GABRA3: variants seen among roughly 807,000 people sequenced by gnomAD.
GABRA3 encodes the protein gamma-aminobutyric acid type A receptor subunit alpha3, also known as gamma-aminobutyric acid receptor subunit alpha-3.
GABRA3 carries 10 observed loss-of-function variants against 30.1 expected under a neutral mutation model. That is an observed-to-expected ratio of 0.33 (90% CI 0.20 to 0.56). The LOEUF is 0.56. GABRA3 is among the 20% of genes least tolerant of loss of function. GABRA3 has a pLI of 0.89. For missense variants in GABRA3, 233 were observed against 392.0 expected, an observed-to-expected ratio of 0.59 and a Z score of 3.42; for synonymous variants, 151 against 146.8, an observed-to-expected ratio of 1.03 and a Z score of -0.21.
At chrX:152,349,173 T>C (rs1480406399) in intron 2 of GABRA3, among the ~76,000 whole-genome samples, 1 of 111,457 alleles carries the variant, frequency 9.0e-6, no homozygotes, top group African/African-American at 3.3e-5. Flanking sequence ...GCATCTTTAC[T>C]AGGAGTAGAT....
At chrX:152,266,559 A>G (rs1280934897) in intron 4 of GABRA3, among the ~76,000 whole-genome samples, 2 of 111,458 alleles carry the variant, frequency 1.8e-5, no homozygotes, top group Non-Finnish European at 3.8e-5. Flanking sequence ...ATAATTTTAG[A>G]TAAGTAAAAT....
At chrX:152,404,573 A>C (rs1929878055) in intron 1 of GABRA3, among the ~76,000 whole-genome samples, 1 of 110,187 alleles carries the variant, frequency 9.1e-6, no homozygotes, top group African/African-American at 3.3e-5. Context: ...GTGAAAGAGG[A>C]GGCCAAGTGA....
chrX:152,362,895 T>C (rs993663647), intron 2 of GABRA3, among the ~76,000 whole-genome samples: 2 of 112,032 alleles, frequency 1.8e-5, no homozygotes, highest in Admixed American at 9.5e-5. Context: ...CTGTTTGTTG[T>C]TTGTTTTGTT....
At position 152,302,180 on chromosome X, in the gene GABRA3, A is replaced by T. The variant is rs1753742552; in HGVS notation, c.263-17445T>A. On this transcript the variant is annotated intron_variant, in intron 3 of 9. Transcript: ENST00000370314. ...TAGAAAACAAATAATAAGATGATGA[A>T]TGTAAGCACAAACATGTAAATAAAT... Among the ~76,000 whole-genome samples the T allele has an allele frequency of 2.7e-5, 3 of 111,523 alleles. No homozygotes were observed. The South Asian group carries it at 1.1e-3, about 42-fold the overall frequency.
Position 152,226,469 on chromosome X carries a change from T to C in GABRA3, c.552-1624A>G, listed in dbSNP as rs773651117. ...GGTATTACCATTCAGGACATAGGCA[T>C]GGGCAAGGACTTCATGTCTAAAACA... On this transcript the variant is annotated intron_variant, in intron 5 of 9. Coordinates refer to ENST00000370314, the MANE Select transcript of GABRA3 (RefSeq NM_000808.4). Among the ~76,000 whole-genome samples the C allele has an allele frequency of 3.6e-5, 4 of 111,535 alleles. No individual in the cohort carries two copies. In the South Asian group the frequency reaches 1.5e-3, roughly 43 times the overall value.
At chrX:152,351,104 A>G (rs1451668683) in intron 2 of GABRA3, among the ~76,000 whole-genome samples, 1 of 111,706 alleles carries the variant, frequency 9.0e-6, no homozygotes, top group East Asian at 2.8e-4. Context: ...GATTTAGCAT[A>G]ATTCTTAAGG....
At chrX:152,360,859 G>A (rs1467674755) in intron 2 of GABRA3, among the ~76,000 whole-genome samples, 1 of 106,541 alleles carries the variant, frequency 9.4e-6, no homozygotes, top group East Asian at 3.0e-4. Context: ...GATCTTTTGA[G>A]GTCAGGAGTT....
At chrX:152,346,161 T>C (rs942550287) in intron 2 of GABRA3, among the ~76,000 whole-genome samples, 5 of 111,805 alleles carry the variant, frequency 4.5e-5, no homozygotes, top group African/African-American at 1.6e-4. Context: ...CCTTAAATTG[T>C]ACATAGTCTA....
intron 5 of GABRA3, among the ~76,000 whole-genome samples, chrX:152,229,663 G>A (rs1938029726): frequency 9.1e-6 from 1 of 110,020 alleles, no homozygotes; most frequent in African/African-American, 3.3e-5. Flanking sequence ...TAGAGATCAA[G>A]GGGAAGAGTA....
chrX:152,372,244 G>T (rs907386260), intron 1 of GABRA3, among the ~76,000 whole-genome samples: 11 of 111,099 alleles, frequency 9.9e-5, no homozygotes, highest in African/African-American at 3.3e-4. Context: ...CTAAGTACTT[G>T]CCATGACCTA....
At chrX:152,441,422 A>G (rs1930928952) in intron 1 of GABRA3, among the ~76,000 whole-genome samples, 1 of 111,888 alleles carries the variant, frequency 8.9e-6, no homozygotes, top group Non-Finnish European at 1.9e-5. Context: ...TCTTCAAATC[A>G]TTCTACAGAT....
chrX:152,207,533 A>G (rs1418301647), intron 7 of GABRA3, among the ~76,000 whole-genome samples: 1 of 112,161 alleles, frequency 8.9e-6, no homozygotes, highest in Non-Finnish European at 1.9e-5. Flanking sequence ...TCCCCTTAAG[A>G]AAATAATTCC....
chrX:152,313,726 A>T (rs1939830657), intron 3 of GABRA3, among the ~76,000 whole-genome samples: 1 of 112,089 alleles, frequency 8.9e-6, no homozygotes, highest in South Asian at 3.7e-4. Flanking sequence ...TGCTAAAACC[A>T]CATCCTTTCC....
At chrX:152,376,911 T>C (rs995803820) in intron 1 of GABRA3, among the ~76,000 whole-genome samples, 9 of 111,504 alleles carry the variant, frequency 8.1e-5, no homozygotes, top group South Asian at 3.7e-4. Flanking sequence ...GAAATTCTCA[T>C]TAAGAGAGAC....
intron 2 of GABRA3, among the ~76,000 whole-genome samples, chrX:152,359,598 T>G (rs1928423077): frequency 9.0e-6 from 1 of 111,072 alleles, no homozygotes; most frequent in Non-Finnish European, 1.9e-5. Flanking sequence ...TTGCTAGCTT[T>G]GGGGTTGGTT....
At chrX:152,198,833 T>G (rs1419922171) in intron 7 of GABRA3, among the ~76,000 whole-genome samples, 1 of 112,441 alleles carries the variant, frequency 8.9e-6, no homozygotes, top group Non-Finnish European at 1.9e-5. Context: ...AACTTCTACC[T>G]GGGCTTCCTA....
rs750492542 is a variant in GABRA3, at chrX:152,368,839, G to A, written c.-26-4243C>T. On this transcript the variant is annotated intron_variant, in intron 1 of 9. Coordinates refer to ENST00000370314, the MANE Select transcript of GABRA3 (RefSeq NM_000808.4). ...TCCTGCCTCAGCCTCCCGAGTAGCT[G>A]GGACTACAGGCACCGGCCACCACGC... is the stretch of plus-strand genomic sequence containing the variant. Among the ~76,000 whole-genome samples the A allele has an allele frequency of 4.7e-5, 5 of 107,371 alleles. No individual in the cohort carries two copies. The South Asian group carries it at 2.1e-3, about 45-fold the overall frequency. 93.2% of individuals were successfully genotyped at this position (107,371 alleles called of 115,157 possible).
intron 3 of GABRA3, among the ~76,000 whole-genome samples, chrX:152,285,269 T>A (rs988135726): frequency 1.8e-5 from 2 of 112,038 alleles, no homozygotes; most frequent in African/African-American, 6.5e-5. Flanking sequence ...TACAATAAAA[T>A]TGAAAAAGTC....
At chrX:152,179,321 CTT>C (rs1281122265) in intron 9 of GABRA3, among the ~76,000 whole-genome samples, 2 of 110,829 alleles carry the variant, frequency 1.8e-5, no homozygotes, top group Non-Finnish European at 1.9e-5. Flanking sequence ...AAAATCTACT[CTT>C]AGCAGTTTTC....
Sources: gnomAD v4.1 joint callset for allele counts (sites outside exome capture counted in the v4.1 genomes callset) on GRCh38, gnomAD v4.1.1 for gene constraint, MANE v1.5 for transcripts, NCBI Gene and HGNC (gene_info 2026-07-23, HGNC 2026-07-21) for gene names.